LYRM4: variants seen among roughly 807,000 people sequenced by gnomAD.
LYRM4 encodes the protein LYR motif containing 4.
LYRM4 carries 9 observed loss-of-function variants against 11.7 expected under a neutral mutation model. The observed-to-expected ratio is 0.77, with a 90% CI of 0.46 to 1.34. The LOEUF (loss-of-function observed/expected upper bound fraction) is 1.34. Ranked by LOEUF, LYRM4 falls within the 40% of genes most tolerant of loss-of-function variation. The pLI is 0.00. For synonymous variants in LYRM4, 42 were observed against 40.4 expected (o/e 1.04, Z -0.15); for missense variants, 133 against 112.5 (o/e 1.18, Z -0.82).
chr6:5,214,029 C>G (rs980069255), intron 2 of LYRM4, among the ~76,000 whole-genome samples: 10 of 152,246 alleles, frequency 6.6e-5, no homozygotes, highest in Non-Finnish European at 1.2e-4. Context: ...GATGTGAACA[C>G]AGGCCGGCTG....
intron 1 of LYRM4, among the ~76,000 whole-genome samples, chr6:5,247,591 T>C (rs1764251578): frequency 6.6e-6 from 1 of 152,182 alleles, no homozygotes; most frequent in South Asian, 2.1e-4. Flanking sequence ...AGAAAACATG[T>C]ATAAAATCCT....
Position 5,224,796 on chromosome 6 carries a change from C to T in LYRM4, c.87-8058G>A, listed in dbSNP as rs189448233. Among the ~76,000 whole-genome samples, 322 of 151,474 alleles carry T rather than the reference C, an allele frequency of 2.1e-3. 2 individuals carry two copies. Among genetic ancestry groups the T allele is most frequent in the Non-Finnish European group, 3.4e-3 (228 of 67,884 alleles). ...CCAACATGGTGAAACCCCATCTCTA[C>T]TAAAAATACAAAATTTAGCCAGGCA... On this transcript the variant is annotated intron_variant, in intron 1 of 2. Transcript: ENST00000330636.
the LYRM4 span, chr6:5,084,494 C>T: frequency 6.6e-6 from 1 of 152,002 alleles, no homozygotes; most frequent in African/African-American, 2.4e-5. Context: ...TCTCCGCCCT[C>T]CCTGCGGGAT....
intron 1 of LYRM4, chr6:5,218,335 G>C: frequency 2.0e-6 from 2 of 984,836 alleles, no homozygotes; most frequent in Non-Finnish European, 2.4e-6. Context: ...AATGAGAGGA[G>C]GGGATATAAA....
At position 5,182,082 on chromosome 6, in the gene LYRM4, C is replaced by T. The variant is rs117229538; in HGVS notation, c.207+34536G>A. On this transcript the variant is annotated intron_variant, in intron 2 of 2. Transcript: ENST00000330636. Reference sequence around the variant, plus strand: ...AACTTTATAACAAATGAACTTCGCCCATAATGAGGCAGTCCAGACTGGTGA... The same window carrying T: ...AACTTTATAACAAATGAACTTCGCCTATAATGAGGCAGTCCAGACTGGTGA... 3.9e-5 allele frequency among the ~76,000 whole-genome samples: 6 copies of T among 152,296 alleles called. No individual in the cohort carries two copies. In the East Asian group the frequency reaches 1.2e-3, roughly 29 times the overall value.
intron 2 of LYRM4, among the ~76,000 whole-genome samples, chr6:5,121,606 T>A (rs2127603002): frequency 6.6e-6 from 1 of 152,016 alleles, no homozygotes; most frequent in South Asian, 2.1e-4. Context: ...CTGCCGCAAC[T>A]GTCACCAGGC....
rs1235008179 is a variant in LYRM4, at chr6:5,109,432, G to A, written c.267C>T (p.Pro89=). 1 of 1,614,010 alleles carries A rather than the reference G, an allele frequency of 6.2e-7. No individual in the cohort carries two copies. The highest frequency in any genetic ancestry group is 2.2e-5 in the East Asian group (1 of 44,890). ...GCTGGTCCCCGGCTTGCTAGGTCCT[G>A]GGCATGTCTCGATTCTCAATGATCA... is the stretch of plus-strand genomic sequence containing the variant. ...DKLIIENRDM[P]RT The change falls in exon 3 of 3, where the codon CCC becomes CCT. Residue 89 remains proline, a synonymous_variant. Transcript: ENST00000330636.
At chr6:5,130,782 T>C (rs1763916344) in intron 2 of LYRM4, among the ~76,000 whole-genome samples, 1 of 152,024 alleles carries the variant, frequency 6.6e-6, no homozygotes, top group South Asian at 2.1e-4. Flanking sequence ...AAAAAATATA[T>C]GCTTCTAATT....
intron 2 of LYRM4, among the ~76,000 whole-genome samples, chr6:5,198,707 G>C (rs1296547794): frequency 6.6e-6 from 1 of 152,190 alleles, no homozygotes; most frequent in Non-Finnish European, 1.5e-5. Context: ...TCAATCCACA[G>C]AGAATTGAGT....
chr6:5,197,856 G>A lies in LYRM4; in HGVS notation c.207+18762C>T, dbSNP rs192983944. Among the ~76,000 whole-genome samples, 3 of 151,796 alleles carry A rather than the reference G, an allele frequency of 2.0e-5. No homozygotes were observed. In the East Asian group the frequency reaches 5.9e-4, roughly 30 times the overall value. ...AGTTACTGAGAAATGGAGGAACTGG[G>A]AAGGTAAATTAGTTTAAGAGAAAGG... On this transcript the variant is annotated intron_variant, in intron 2 of 2. Coordinates refer to ENST00000330636, the MANE Select transcript of LYRM4 (RefSeq NM_020408.6).
chr6:5,251,335 T>G (rs1388859094), intron 1 of LYRM4, among the ~76,000 whole-genome samples: 2 of 151,830 alleles, frequency 1.3e-5, no homozygotes, highest in Non-Finnish European at 2.9e-5. Context: ...AGGGTGGTAT[T>G]TGAATTAGTC....
chr6:5,201,518 C>T lies in LYRM4; in HGVS notation c.207+15100G>A, dbSNP rs78395894. Among the ~76,000 whole-genome samples the T allele has an allele frequency of 6.0e-3, 918 of 152,316 alleles. 11 individuals carry two copies. Among genetic ancestry groups the T allele is most frequent in the South Asian group, 0.043 (208 of 4,826 alleles). ...GCTAAATCCTCTTTTCAGCCTTCTG[C>T]GCTCAGCTCTGGGGCTGCCCTGCTG... is the stretch of plus-strand genomic sequence containing the variant. On this transcript the variant is annotated intron_variant, in intron 2 of 2. Transcript: ENST00000330636.
intron 2 of LYRM4, among the ~76,000 whole-genome samples, chr6:5,130,390 C>G (rs565936774): frequency 4.2e-4 from 64 of 152,346 alleles, no homozygotes; most frequent in African/African-American, 1.4e-3. Context: ...GTTCGTCAGG[C>G]TGGCATTGCA....
intron 2 of LYRM4, among the ~76,000 whole-genome samples, chr6:5,125,020 C>T (rs1458030094): frequency 2.6e-5 from 4 of 152,178 alleles, no homozygotes; most frequent in African/African-American, 2.4e-5. Context: ...GGGCTTCCCT[C>T]GTCTCCTAGT....
chr6:5,237,765 A>G (rs949874425), intron 1 of LYRM4, among the ~76,000 whole-genome samples: 21 of 152,188 alleles, frequency 1.4e-4, no homozygotes, highest in Admixed American at 1.4e-3. Context: ...GTTACCTGCA[A>G]AATGCTTTCC....
chr6:5,120,830 G>A (rs1227497411), intron 2 of LYRM4, among the ~76,000 whole-genome samples: 2 of 152,170 alleles, frequency 1.3e-5, no homozygotes, highest in Non-Finnish European at 2.9e-5. Context: ...TTTTTACAGA[G>A]CACTGATTGG....
intron 2 of LYRM4, among the ~76,000 whole-genome samples, chr6:5,118,096 T>A (rs112736097): frequency 2.0e-4 from 16 of 78,656 alleles, no homozygotes; most frequent in South Asian, 4.5e-4. Flanking sequence ...ATATATATAT[T>A]TTTGTTTTGT....
intron 2 of LYRM4, among the ~76,000 whole-genome samples, chr6:5,160,334 C>G (rs1758677269): frequency 6.6e-6 from 1 of 152,174 alleles, no homozygotes; most frequent in Non-Finnish European, 1.5e-5. Flanking sequence ...CATCATGCAT[C>G]AGGCATGGGT....
chr6:5,229,003 C>CAAAAAAAAAAA (rs70974180), intron 1 of LYRM4, among the ~76,000 whole-genome samples: 21 of 37,976 alleles, frequency 5.5e-4, no homozygotes, highest in African/African-American at 2.0e-3. Flanking sequence ...GGCTCAGTCT[C>CAAAAAAAAAAA]AAAAAAAAAA....
Sources: gnomAD v4.1 joint callset for allele counts (sites outside exome capture counted in the v4.1 genomes callset) on GRCh38, gnomAD v4.1.1 for gene constraint, MANE v1.5 for transcripts, NCBI Gene and HGNC (gene_info 2026-07-23, HGNC 2026-07-21) for gene names.